Variants in PVT1 observed in about 807,000 individuals in gnomAD.
PVT1 encodes the protein Pvt1 oncogene.
chr8:128,037,506 G>A (rs1161397414), intron 4 of PVT1, among the ~76,000 whole-genome samples: 1 of 152,218 alleles, frequency 6.6e-6, no homozygotes, highest in Non-Finnish European at 1.5e-5. Context: ...GGCTTGGAAA[G>A]GGAAGTGGGG....
chr8:127,984,827 C>CTTTTCT (rs1554602033), intron 3 of PVT1, among the ~76,000 whole-genome samples: 3 of 126,372 alleles, frequency 2.4e-5, no homozygotes, highest in African/African-American at 7.9e-5. Context: ...AGGCTGGTTT[C>CTTTTCT]TTTCTTTTCT....
intron 3 of PVT1, among the ~76,000 whole-genome samples, chr8:127,987,886 A>G (rs550700829): frequency 1.3e-5 from 2 of 152,376 alleles, no homozygotes; most frequent in East Asian, 1.9e-4. Context: ...CGCTGAGGAC[A>G]GCATCTTTCT....
intron 2 of PVT1, among the ~76,000 whole-genome samples, chr8:127,809,085 T>G (rs1281968087): frequency 6.7e-6 from 1 of 149,140 alleles, no homozygotes; most frequent in Non-Finnish European, 1.5e-5. Flanking sequence ...GAAAAGGACT[T>G]CTTGGAGGGC....
chr8:127,900,925 C>G (rs73707114), intron 3 of PVT1, among the ~76,000 whole-genome samples: 2 of 152,324 alleles, frequency 1.3e-5, no homozygotes, highest in African/African-American at 4.8e-5. Flanking sequence ...TGTACCAGCT[C>G]ATGACACGCC....
At chr8:127,803,165 G>A (rs1346403177) in intron 2 of PVT1, 3 of 110,672 alleles carry the variant, frequency 2.7e-5, no homozygotes, top group Non-Finnish European at 5.1e-5. Flanking sequence ...GTCTCCTTCT[G>A]TCGCCCAGGC....
At chr8:128,060,389 A>T (rs576145249) in intron 4 of PVT1, among the ~76,000 whole-genome samples, 1 of 152,354 alleles carries the variant, frequency 6.6e-6, no homozygotes, top group Non-Finnish European at 1.5e-5. Context: ...GGCATTCAAG[A>T]TATCCCTATA....
intron 2 of PVT1, among the ~76,000 whole-genome samples, chr8:127,850,536 T>G (rs1815096433): frequency 6.6e-6 from 1 of 152,154 alleles, no homozygotes; most frequent in African/African-American, 2.4e-5. Flanking sequence ...TAAGACACAG[T>G]GATGGTGTGG....
chr8:127,812,232 C>CAGGAAGGA (rs1222087216), intron 2 of PVT1, among the ~76,000 whole-genome samples: 7,597 of 129,574 alleles, frequency 0.059, 745 homozygotes, highest in African/African-American at 0.18. Context: ...GGCAGGAAGG[C>CAGGAAGGA]AGGAAGGAAG....
intron 2 of PVT1, among the ~76,000 whole-genome samples, chr8:127,810,958 T>G (rs942087081): frequency 4.6e-5 from 7 of 152,160 alleles, no homozygotes; most frequent in African/African-American, 1.7e-4. Context: ...AGTATTACTA[T>G]GTTGTTTCTA....
At chr8:127,883,317 G>A (rs1815490329) in intron 2 of PVT1, among the ~76,000 whole-genome samples, 1 of 152,190 alleles carries the variant, frequency 6.6e-6, no homozygotes, top group Admixed American at 6.5e-5. Context: ...GCATCCATCT[G>A]CCCGTCCTAT....
rs568498226 is a variant in PVT1, at chr8:127,946,076, G to T, written n.783-43086G>T. Among the ~76,000 whole-genome samples, 6 of 152,354 alleles carry T rather than the reference G, an allele frequency of 3.9e-5. No individual in the cohort carries two copies. The South Asian group carries it at 1.2e-3, about 32-fold the overall frequency. On this transcript the variant is annotated intron_variant and non_coding_transcript_variant, in intron 3 of 10. Coordinates refer to ENST00000651587, the Ensembl canonical transcript of PVT1. ...TTGCACCAAGGCAGGGCTCGCTGGAGTGCAGACCCAGGAAAAACACTGCAG... is the reference window on the plus strand; with the variant it reads ...TTGCACCAAGGCAGGGCTCGCTGGATTGCAGACCCAGGAAAAACACTGCAG...
chr8:127,960,943 TGG>T (rs1219833158), intron 3 of PVT1, among the ~76,000 whole-genome samples: 3,010 of 27,668 alleles, frequency 0.11, 166 homozygotes, highest in African/African-American at 0.25. Flanking sequence ...TGTTTGGGGG[TGG>T]GGGGGGCGGG....
chr8:128,039,857 T>C (rs141828913), intron 4 of PVT1, among the ~76,000 whole-genome samples: 1 of 152,286 alleles, frequency 6.6e-6, no homozygotes, highest in East Asian at 1.9e-4. Context: ...TTGTGAGACA[T>C]GATCAGATTC....
At chr8:127,855,628 G>C (rs543481313) in intron 2 of PVT1, among the ~76,000 whole-genome samples, 2 of 152,214 alleles carry the variant, frequency 1.3e-5, no homozygotes, top group African/African-American at 4.8e-5. Context: ...CCCCAGGAGA[G>C]ACTGGAGAGC....
intron 3 of PVT1, among the ~76,000 whole-genome samples, chr8:127,938,287 C>T (rs1055550243): frequency 1.3e-5 from 2 of 152,148 alleles, no homozygotes; most frequent in Non-Finnish European, 2.9e-5. Context: ...GAAAGGATGC[C>T]GTCCCACATG....
chr8:127,850,317 A>G (rs1359910558), intron 2 of PVT1, among the ~76,000 whole-genome samples: 4 of 152,174 alleles, frequency 2.6e-5, no homozygotes, highest in Non-Finnish European at 4.4e-5. Context: ...AGGAACCTTT[A>G]TTTTGGAAAA....
intron 2 of PVT1, among the ~76,000 whole-genome samples, chr8:127,857,940 A>G (rs1205142497): frequency 6.6e-6 from 1 of 152,184 alleles, no homozygotes; most frequent in East Asian, 1.9e-4. Flanking sequence ...ATGAAGTTAA[A>G]CTCTGGGTTG....
chr8:128,014,252 G>C (rs1817346260), intron 4 of PVT1, among the ~76,000 whole-genome samples: 1 of 152,224 alleles, frequency 6.6e-6, no homozygotes, highest in Non-Finnish European at 1.5e-5. Flanking sequence ...AGACGACATA[G>C]CTTTTCTCTG....
chr8:128,090,026 A>G lies in PVT1; in HGVS notation n.1115-6492A>G, dbSNP rs563124998. ...AACAAAATCCTCAGATTTTATTTCA[A>G]AGGATTGCAAAGAAAACCAATTGTG... On this transcript the variant is annotated intron_variant and non_coding_transcript_variant, in intron 5 of 10. Coordinates refer to ENST00000651587, the Ensembl canonical transcript of PVT1. Among the ~76,000 whole-genome samples, 5 of 152,366 alleles carry G rather than the reference A, an allele frequency of 3.3e-5. No individual in the cohort carries two copies. The South Asian group carries it at 1.0e-3, about 32-fold the overall frequency.
Sources: gnomAD v4.1 joint callset for allele counts (sites outside exome capture counted in the v4.1 genomes callset) on GRCh38, gnomAD v4.1.1 for gene constraint, MANE v1.5 for transcripts, NCBI Gene and HGNC (gene_info 2026-07-23, HGNC 2026-07-21) for gene names.